Variants in MECOM observed in about 807,000 individuals in gnomAD.
MECOM encodes MDS1 and EVI1 complex locus, also known as histone-lysine N-methyltransferase MECOM.
MECOM carries 13 observed loss-of-function variants against 116.3 expected under a neutral mutation model. That is an observed-to-expected ratio of 0.11 (90% confidence interval 0.07 to 0.18). The LOEUF (loss-of-function observed/expected upper bound fraction) is 0.18. Ranked by LOEUF, MECOM falls within the 10% of genes least tolerant of loss-of-function variation. The pLI, the probability that MECOM is intolerant of heterozygous loss-of-function variation, is 1.00. For synonymous variants in MECOM, 528 were observed against 535.2 expected (o/e 0.99, Z 0.19); for missense variants, 1,299 against 1,509.0 (o/e 0.86, Z 2.31).
intron 2 of MECOM, among the ~76,000 whole-genome samples, chr3:169,230,844 A>G (rs2149520772): frequency 1.3e-5 from 2 of 152,284 alleles, no homozygotes; most frequent in East Asian, 1.9e-4. Flanking sequence ...AGAATTGTTT[A>G]TCTTGCCCCC....
chr3:169,258,993 T>C (rs2149604878), intron 2 of MECOM, among the ~76,000 whole-genome samples: 1 of 151,866 alleles, frequency 6.6e-6, no homozygotes, highest in East Asian at 1.9e-4. Flanking sequence ...CAATACAACA[T>C]CTATGGTTTT....
intron 1 of MECOM, among the ~76,000 whole-genome samples, chr3:169,428,800 A>C (rs919838464): frequency 6.6e-6 from 1 of 152,182 alleles, no homozygotes; most frequent in Non-Finnish European, 1.5e-5. Context: ...TTGTGGTAAA[A>C]GGGATTGGAA....
intron 3 of MECOM, among the ~76,000 whole-genome samples, chr3:169,139,631 G>A (rs1324884159): frequency 2.0e-5 from 3 of 152,062 alleles, no homozygotes; most frequent in Admixed American, 2.0e-4. Flanking sequence ...TTACCAATAT[G>A]TTTTCACTAT....
intron 1 of MECOM, among the ~76,000 whole-genome samples, chr3:169,462,678 C>T (rs1747651535): frequency 6.6e-6 from 1 of 152,152 alleles, no homozygotes; most frequent in African/African-American, 2.4e-5. Flanking sequence ...AAACTGGAAA[C>T]AGTCTTGGAT....
In MECOM at chr3:169,189,340, TC is replaced by T. The variant is rs372770600; in HGVS notation, c.376-45509del. On this transcript the variant is annotated intron_variant, in intron 2 of 16. Transcript: ENST00000651503. ...ACTGAACGCTTTCCCTACAGCAGTATCAATACTTTCATTCAGCCAACAGACT... is the reference window on the plus strand; with the variant it reads ...ACTGAACGCTTTCCCTACAGCAGTATAATACTTTCATTCAGCCAACAGACT... 7.3e-3 allele frequency among the ~76,000 whole-genome samples: 1,104 copies of T among 152,074 alleles called. 8 individuals carry two copies. The highest frequency in any genetic ancestry group is 0.025 in the African/African-American group (1,053 of 41,502).
chr3:169,348,523 C>A (rs949652660), intron 2 of MECOM, among the ~76,000 whole-genome samples: 1 of 151,924 alleles, frequency 6.6e-6, no homozygotes, highest in Non-Finnish European at 1.5e-5. Flanking sequence ...TATACTCACA[C>A]CTTTTCATGG....
At chr3:169,339,609 T>C (rs1016070651) in intron 2 of MECOM, among the ~76,000 whole-genome samples, 3 of 152,200 alleles carry the variant, frequency 2.0e-5, no homozygotes, top group African/African-American at 4.8e-5. Flanking sequence ...TTCCCGGAAC[T>C]ACTGCGACAG....
At chr3:169,141,625 C>T (rs1443501962) in intron 3 of MECOM, among the ~76,000 whole-genome samples, 1 of 151,982 alleles carries the variant, frequency 6.6e-6, no homozygotes, top group East Asian at 1.9e-4. Context: ...TTAGAATATT[C>T]ATATGTGCTT....
intron 1 of MECOM, among the ~76,000 whole-genome samples, chr3:169,413,428 C>T (rs1386710637): frequency 6.6e-6 from 1 of 151,916 alleles, no homozygotes; most frequent in East Asian, 1.9e-4. Flanking sequence ...ACCTGGGGGG[C>T]CATTTGGGCA....
intron 2 of MECOM, among the ~76,000 whole-genome samples, chr3:169,278,493 G>A (rs570231825): frequency 1.3e-5 from 2 of 152,308 alleles, no homozygotes; most frequent in Non-Finnish European, 2.9e-5. Flanking sequence ...TTTATTTTGA[G>A]AATTGTAACA....
intron 2 of MECOM, among the ~76,000 whole-genome samples, chr3:169,173,428 T>C (rs1251729164): frequency 1.3e-5 from 2 of 152,154 alleles, no homozygotes; most frequent in Non-Finnish European, 2.9e-5. Context: ...ACAATACTTC[T>C]AACCACAAGC....
In MECOM at chr3:169,087,830, T is replaced by G. The variant is rs191945263; in HGVS notation, c.3585+1170A>C. On this transcript the variant is annotated intron_variant, in intron 16 of 16. Coordinates refer to ENST00000651503, the MANE Select transcript of MECOM (RefSeq NM_004991.4). ...AAAAATCCACTTACCCCTTTTACAA[T>G]GAAGAAATGGTACCTATAGTCTTTA... Among the ~76,000 whole-genome samples, 4 of 152,338 alleles carry G rather than the reference T, an allele frequency of 2.6e-5. No individual in the cohort carries two copies. The East Asian group carries it at 5.8e-4, about 22-fold the overall frequency.
chr3:169,231,381 T>C (rs923653191), intron 2 of MECOM, among the ~76,000 whole-genome samples: 2 of 152,158 alleles, frequency 1.3e-5, no homozygotes, highest in African/African-American at 4.8e-5. Context: ...CAGGAACTTA[T>C]ATTCTGGCAG....
At chr3:169,121,017 A>G in intron 7 of MECOM, 39 bp downstream of exon 7, 1 of 1,563,818 alleles carries the variant, frequency 6.4e-7, no homozygotes, top group Non-Finnish European at 8.7e-7. Context: ...TGGGGAAGAG[A>G]CAGATGTGGG....
rs375555904 is a variant in MECOM at position 169,477,417 on chromosome 3, C to G, written c.38-95893G>C. Among the ~76,000 whole-genome samples the G allele has an allele frequency of 5.3e-5, 8 of 152,018 alleles. No individual in the cohort carries two copies. In the South Asian group the frequency reaches 1.7e-3, roughly 32 times the overall value. ...GCCAAAATGAAGACCATCAATGATCCAAATCCTTGCAAGGTATAAAAGAGA... is the reference window on the plus strand; with the variant it reads ...GCCAAAATGAAGACCATCAATGATCGAAATCCTTGCAAGGTATAAAAGAGA... On this transcript the variant is annotated intron_variant, in intron 1 of 16. Coordinates refer to ENST00000651503, the MANE Select transcript of MECOM (RefSeq NM_004991.4).
chr3:169,507,609 T>C (rs1413406387), intron 1 of MECOM, among the ~76,000 whole-genome samples: 2 of 145,772 alleles, frequency 1.4e-5, no homozygotes, highest in African/African-American at 5.1e-5. Flanking sequence ...CCTACAATGG[T>C]GGAAAGAGCA....
chr3:169,576,796 TACAC>T (rs373881811), intron 1 of MECOM, among the ~76,000 whole-genome samples: 23,594 of 135,852 alleles, frequency 0.17, 2,152 homozygotes, highest in East Asian at 0.26. Context: ...CTTCCTGTTT[TACAC>T]ACACACACAC....
chr3:169,235,735 A>G (rs763001520), intron 2 of MECOM, among the ~76,000 whole-genome samples: 45 of 152,148 alleles, frequency 3.0e-4, no homozygotes, highest in Non-Finnish European at 5.1e-4. Context: ...CACACACAAA[A>G]AAGATAACAT....
intron 1 of MECOM, among the ~76,000 whole-genome samples, chr3:169,656,360 G>T (rs900469598): frequency 2.0e-5 from 3 of 152,076 alleles, no homozygotes; most frequent in Non-Finnish European, 4.4e-5. Context: ...AAAGTCAGTA[G>T]TCAAGAATTT....
Sources: allele counts gnomAD v4.1 joint callset (sites outside exome capture counted in the v4.1 genomes callset), GRCh38; gene constraint gnomAD v4.1.1; transcripts MANE v1.5; gene names NCBI Gene and HGNC (gene_info 2026-07-23, HGNC 2026-07-21).